The following FSIP1 variants were observed in gnomAD, a reference collection of about 807,000 sequenced individuals.
The protein encoded by FSIP1 is fibrous sheath interacting protein 1, also known as fibrous sheath-interacting protein 1.
A neutral mutation model predicts 60.9 loss-of-function variants in FSIP1; 65 were observed. The observed-to-expected ratio is 1.07, with a 90% CI of 0.87 to 1.31. The LOEUF (loss-of-function observed/expected upper bound fraction) is 1.31. FSIP1 is among the 40% of genes most tolerant of loss of function. The pLI is 0.00. For synonymous variants in FSIP1, 209 were observed against 221.2 expected (o/e 0.94, Z 0.49); for missense variants, 675 against 665.5 (o/e 1.01, Z -0.16).
In FSIP1 at chr15:39,726,607, A is replaced by C; in HGVS notation, c.1032T>G (p.Leu344=). The C allele has an allele frequency of 6.2e-7, 1 of 1,613,744 alleles. No homozygotes were observed. Among genetic ancestry groups the C allele is most frequent in the East Asian group, 2.2e-5 (1 of 44,868 alleles). ...CAAATACCTGATTATTCCGATTTTC[A>C]AGTCTTGGAGAAAAACTGGAAATTG... ...SPTISSFSPR[L]ENRNNQKPDR... is the part of the protein sequence containing the mutation. Residue 344 remains leucine, a synonymous_variant, in exon 9 of 12, where the codon CTT becomes CTG. Coordinates refer to ENST00000350221, the MANE Select transcript of FSIP1 (RefSeq NM_152597.5).
chr15:39,639,202 T>C (rs1892257768), intron 10 of FSIP1, among the ~76,000 whole-genome samples: 1 of 152,190 alleles, frequency 6.6e-6, no homozygotes, highest in Non-Finnish European at 1.5e-5. Flanking sequence ...GCTACAGAGA[T>C]AGTGGTCATT....
intron 5 of FSIP1, among the ~76,000 whole-genome samples, chr15:39,759,248 A>C (rs1897406410): frequency 6.6e-6 from 1 of 152,114 alleles, no homozygotes; most frequent in African/African-American, 2.4e-5. Flanking sequence ...TAATATCCTT[A>C]ATATTAAAAA....
chr15:39,685,012 G>A (rs767676468), intron 10 of FSIP1, among the ~76,000 whole-genome samples: 22 of 152,090 alleles, frequency 1.4e-4, no homozygotes, highest in Non-Finnish European at 3.1e-4. Flanking sequence ...AGGACCTTGA[G>A]AACCCAGACT....
intron 10 of FSIP1, among the ~76,000 whole-genome samples, chr15:39,666,285 T>C (rs73393276): frequency 0.021 from 3,139 of 152,298 alleles, 112 homozygotes; most frequent in African/African-American, 0.071. Flanking sequence ...AAGACTAACA[T>C]TATCTATAAG....
chr15:39,725,248 A>G (rs1049135059), intron 9 of FSIP1, among the ~76,000 whole-genome samples: 4 of 152,094 alleles, frequency 2.6e-5, no homozygotes, highest in African/African-American at 9.7e-5. Flanking sequence ...ATAAAATACA[A>G]AGTCCTGGGA....
intron 11 of FSIP1, among the ~76,000 whole-genome samples, chr15:39,610,582 CT>C (rs1333404354): frequency 6.6e-6 from 1 of 152,192 alleles, no homozygotes; most frequent in Non-Finnish European, 1.5e-5. Context: ...AGGAGAATCG[CT>C]TGAACCCAGG....
chr15:39,674,581 A>G (rs1052938198), intron 10 of FSIP1, among the ~76,000 whole-genome samples: 6 of 152,160 alleles, frequency 3.9e-5, no homozygotes, highest in African/African-American at 1.4e-4. Context: ...CCCAGAAAAA[A>G]AAAAATCCCA....
chr15:39,597,987 A>T (rs2140354709), downstream of FSIP1: 1 of 152,364 alleles, frequency 6.6e-6, no homozygotes, highest in African/African-American at 2.4e-5. Flanking sequence ...CTCTTGAAGA[A>T]GGAATAATAA....
chr15:39,628,323 C>G (rs1256706319), intron 10 of FSIP1, among the ~76,000 whole-genome samples: 2 of 152,126 alleles, frequency 1.3e-5, no homozygotes, highest in Admixed American at 6.5e-5. Flanking sequence ...TCGAGATAAA[C>G]AGAAAGAATG....
At chr15:39,671,801 A>G (rs1893731813) in intron 10 of FSIP1, among the ~76,000 whole-genome samples, 1 of 152,234 alleles carries the variant, frequency 6.6e-6, no homozygotes, top group Non-Finnish European at 1.5e-5. Flanking sequence ...TTCCTGCTCC[A>G]AAGTGAATAA....
intron 10 of FSIP1, among the ~76,000 whole-genome samples, chr15:39,671,908 C>T (rs1893734699): frequency 6.6e-6 from 1 of 152,144 alleles, no homozygotes; most frequent in Non-Finnish European, 1.5e-5. Flanking sequence ...GTTTCCAGAA[C>T]CTGTTGCCTC....
At chr15:39,730,058 A>T (rs1318592735) in intron 8 of FSIP1, among the ~76,000 whole-genome samples, 1 of 152,304 alleles carries the variant, frequency 6.6e-6, no homozygotes, top group African/African-American at 2.4e-5. Context: ...TTATTGATTT[A>T]AAATAAACAA....
At chr15:39,769,036 T>C (rs1897787301) in intron 3 of FSIP1, among the ~76,000 whole-genome samples, 1 of 152,082 alleles carries the variant, frequency 6.6e-6, no homozygotes, top group Admixed American at 6.5e-5. Context: ...TCCCAGCACT[T>C]TGGGAGGCCG....
At chr15:39,713,409 T>TC (rs778518357) in intron 10 of FSIP1, 35 bp downstream of exon 10, 1 of 1,565,346 alleles carries the variant, frequency 6.4e-7, no homozygotes, top group African/African-American at 1.4e-5. Flanking sequence ...TCTATTTTTT[T>TC]CTTAAAAAAA....
rs146309970 is a variant in FSIP1 at position 39,682,239 on chromosome 15, C to T, written c.1188+31205G>A. Among the ~76,000 whole-genome samples, 760 of 152,164 alleles carry T rather than the reference C, an allele frequency of 5.0e-3. 4 individuals carry two copies. The highest frequency in any genetic ancestry group is 9.3e-3 in the Admixed American group (142 of 15,284). Reference sequence around the variant, plus strand: ...TTACTGACCATTTTTAAATATGCAACACTAAAATCATTATGGTCTGACATT... The same window carrying T: ...TTACTGACCATTTTTAAATATGCAATACTAAAATCATTATGGTCTGACATT... On this transcript the variant is annotated intron_variant, in intron 10 of 11. Transcript: ENST00000350221.
chr15:39,735,390 G>T (rs988352325), intron 8 of FSIP1, among the ~76,000 whole-genome samples: 3 of 152,206 alleles, frequency 2.0e-5, no homozygotes, highest in African/African-American at 4.8e-5. Context: ...TAACACAATA[G>T]GAAGTATTTG....
Position 39,761,348 on chromosome 15 carries a change from A to G in FSIP1, c.559+2473T>C, listed in dbSNP as rs367867156. Among the ~76,000 whole-genome samples, 5 of 152,362 alleles carry G rather than the reference A, an allele frequency of 3.3e-5. 1 individual carries two copies. Among genetic ancestry groups the G allele is most frequent in the Admixed American group, 6.5e-5 (1 of 15,302 alleles). ...GTATCCACCAACAGATGAATGGATA[A>G]AGAAAATGTGTTGTATAGACACCAT... On this transcript the variant is annotated intron_variant, in intron 5 of 11. Transcript: ENST00000350221.
chr15:39,780,162 C>T lies in FSIP1; in HGVS notation c.-8+2466G>A, dbSNP rs184857380. On this transcript the variant is annotated intron_variant, in intron 1 of 11. Coordinates refer to ENST00000350221, the MANE Select transcript of FSIP1 (RefSeq NM_152597.5). Reference sequence around the variant, plus strand: ...CAAACCTTCTATCTTTTATACCCATCGACTCCTCCCCAACGCAGACACACA... The same window carrying T: ...CAAACCTTCTATCTTTTATACCCATTGACTCCTCCCCAACGCAGACACACA... 6.6e-5 allele frequency among the ~76,000 whole-genome samples: 10 copies of T among 152,286 alleles called. No individual in the cohort carries two copies. In the East Asian group the frequency reaches 1.9e-3, roughly 29 times the overall value.
At chr15:39,745,561 C>T (rs1896965100) in intron 5 of FSIP1, among the ~76,000 whole-genome samples, 1 of 152,150 alleles carries the variant, frequency 6.6e-6, no homozygotes, top group African/African-American at 2.4e-5. Flanking sequence ...TCTATCTGTG[C>T]AGCTCAGAGT....
Sources: gnomAD v4.1 joint callset for allele counts (sites outside exome capture counted in the v4.1 genomes callset) on GRCh38, gnomAD v4.1.1 for gene constraint, MANE v1.5 for transcripts, NCBI Gene and HGNC (gene_info 2026-07-23, HGNC 2026-07-21) for gene names.